Variants in PTPRO observed in about 807,000 individuals in gnomAD.
The protein encoded by PTPRO is receptor-type tyrosine-protein phosphatase O.
Under a neutral mutation model 145.2 loss-of-function variants are expected in PTPRO, and 62 were observed. That is an observed-to-expected ratio of 0.43 (90% CI 0.35 to 0.53). The LOEUF is 0.53. Ranked by LOEUF, PTPRO falls within the 20% of genes least tolerant of loss-of-function variation. The probability of loss-of-function intolerance (pLI) is 0.01; values close to 1 mark genes in which losing one functional copy is unlikely to be tolerated. For missense variants in PTPRO, 1,345 were observed against 1,482.7 expected (o/e 0.91, Z 1.53); for synonymous variants, 565 against 514.7 (o/e 1.10, Z -1.32).
chr12:15,446,339 T>G (rs948004782), intron 1 of PTPRO, among the ~76,000 whole-genome samples: 1 of 152,054 alleles, frequency 6.6e-6, no homozygotes, highest in African/African-American at 2.4e-5. Flanking sequence ...GAAAAACACC[T>G]TTCAAAACCT....
At chr12:15,423,336 T>C (rs1285791813) in intron 1 of PTPRO, among the ~76,000 whole-genome samples, 1 of 152,216 alleles carries the variant, frequency 6.6e-6, no homozygotes, top group Non-Finnish European at 1.5e-5. Context: ...TAATTATCTT[T>C]TAAATGTATG....
At chr12:15,345,920 A>C (rs1006234007) in intron 1 of PTPRO, among the ~76,000 whole-genome samples, 1 of 150,926 alleles carries the variant, frequency 6.6e-6, no homozygotes, top group Non-Finnish European at 1.5e-5. Flanking sequence ...ATCTTCCCCC[A>C]CTCCCTCCCC....
At chr12:15,442,401 C>A (rs1466000342) in intron 1 of PTPRO, among the ~76,000 whole-genome samples, 3 of 152,080 alleles carry the variant, frequency 2.0e-5, no homozygotes, top group Admixed American at 6.5e-5. Flanking sequence ...ACTGAATGGG[C>A]AAAAATTGGA....
intron 10 of PTPRO, among the ~76,000 whole-genome samples, chr12:15,520,821 G>T (rs2300281): frequency 0.28 from 42,261 of 151,984 alleles, 6,145 homozygotes; most frequent in Middle Eastern, 0.37. Flanking sequence ...CCTTGAGCAC[G>T]TTAACTTTTC....
intron 1 of PTPRO, among the ~76,000 whole-genome samples, chr12:15,429,099 G>A (rs1940362176): frequency 1.3e-5 from 2 of 152,216 alleles, no homozygotes; most frequent in African/African-American, 2.4e-5. Context: ...AAACAATGAA[G>A]AGTATTTGCC....
At chr12:15,443,993 TC>T (rs1312853593) in intron 1 of PTPRO, among the ~76,000 whole-genome samples, 33 of 117,150 alleles carry the variant, frequency 2.8e-4, no homozygotes, top group South Asian at 1.4e-3. Context: ...TGAGTATATA[TC>T]AAAAAAAAAA....
intron 1 of PTPRO, among the ~76,000 whole-genome samples, chr12:15,385,213 A>G (rs1938985075): frequency 6.6e-6 from 1 of 152,204 alleles, no homozygotes; most frequent in Admixed American, 6.5e-5. Flanking sequence ...CCAGATACAA[A>G]GTGTGTTAAA....
At chr12:15,436,551 C>T (rs576442225) in intron 1 of PTPRO, among the ~76,000 whole-genome samples, 11 of 152,214 alleles carry the variant, frequency 7.2e-5, no homozygotes, top group African/African-American at 2.6e-4. Context: ...GCAACCCAGG[C>T]CAAGAGAGAG....
intron 1 of PTPRO, among the ~76,000 whole-genome samples, chr12:15,459,664 G>A (rs1419316533): frequency 2.0e-5 from 3 of 152,196 alleles, no homozygotes; most frequent in Non-Finnish European, 4.4e-5. Flanking sequence ...TGGGAACGAA[G>A]ATCCAAGTCT....
Position 15,546,556 on chromosome 12 carries a change from T to G in PTPRO, c.2165-13T>G, listed in dbSNP as rs1347452197. On this transcript the variant is annotated splice_polypyrimidine_tract_variant and intron_variant, in intron 12 of 26. Transcript: ENST00000281171. Reference sequence around the variant, plus strand: ...GTAAATTAAATTTTTTTTAAAACTTTGTCTTTGCTCAGAACCAGCTCCACC... The same window carrying G: ...GTAAATTAAATTTTTTTTAAAACTTGGTCTTTGCTCAGAACCAGCTCCACC... 2 of 1,581,542 alleles carry G rather than the reference T, an allele frequency of 1.3e-6. No individual in the cohort carries two copies. Among genetic ancestry groups the G allele is most frequent in the African/African-American group, 2.7e-5 (2 of 73,660 alleles).
intron 4 of PTPRO, among the ~76,000 whole-genome samples, chr12:15,500,832 G>C (rs976677094): frequency 1.3e-5 from 2 of 152,170 alleles, no homozygotes; most frequent in African/African-American, 4.8e-5. Context: ...TGAGGCAGGA[G>C]AACTGCTTGA....
rs772014252 is a variant in PTPRO at position 15,499,533 on chromosome 12, T to A, written c.600T>A (p.Phe200Leu). ...TTCAGCTGGTATCTGAGGCAACTTT[T>A]AATAAAAGTACCCTTGTTGAGTACA... ...ITFQLVSEAT[F>L]NKSTLVEYSG... Residue 200 changes from phenylalanine to leucine, a missense_variant, in exon 4 of 27, where the codon TTT (phenylalanine) becomes TTA (leucine). By Grantham distance (22) the Phe-to-Leu change is conservative. This residue lies in a region of PTPRO where 1,130 missense variants were observed against 1,214.7 expected (regional missense o/e 0.93). Transcript: ENST00000281171. The A allele has an allele frequency of 1.2e-6, 2 of 1,613,872 alleles. No individual in the cohort carries two copies. Among genetic ancestry groups the A allele is most frequent in the Non-Finnish European group, 1.7e-6 (2 of 1,179,812 alleles).
chr12:15,417,609 A>C (rs1170137019), intron 1 of PTPRO, among the ~76,000 whole-genome samples: 1 of 151,688 alleles, frequency 6.6e-6, no homozygotes, highest in Non-Finnish European at 1.5e-5. Flanking sequence ...CATTTTTAAC[A>C]AGGTCCCCAA....
chr12:15,360,945 C>CACACATATATACACAT (rs1938182551), intron 1 of PTPRO, among the ~76,000 whole-genome samples: 1 of 119,204 alleles, frequency 8.4e-6, no homozygotes, highest in Non-Finnish European at 1.8e-5. Flanking sequence ...TATATACACA[C>CACACATATATACACAT]GTGTATATAC....
intron 1 of PTPRO, among the ~76,000 whole-genome samples, chr12:15,474,803 G>A (rs774309304): frequency 1.6e-4 from 25 of 152,116 alleles, no homozygotes; most frequent in Non-Finnish European, 2.4e-4. Context: ...TGCCTGCAGC[G>A]TACACTCAGA....
At chr12:15,499,922 G>A (rs2047824030) in intron 4 of PTPRO, among the ~76,000 whole-genome samples, 2 of 152,134 alleles carry the variant, frequency 1.3e-5, no homozygotes, top group African/African-American at 4.8e-5. Context: ...GCAGAAAACA[G>A]AGTGAAGACA....
At chr12:15,508,534 G>A (rs373418358) in intron 6 of PTPRO, 37 bp from the exon 7 acceptor site, 58 of 1,587,170 alleles carry the variant, frequency 3.7e-5, no homozygotes, top group African/African-American at 3.5e-4. Context: ...TCAGTGTAAC[G>A]TGCAGCCTCC....
At chr12:15,337,104 C>A (rs1215379699) in intron 1 of PTPRO, among the ~76,000 whole-genome samples, 1 of 152,142 alleles carries the variant, frequency 6.6e-6, no homozygotes, top group Admixed American at 6.5e-5. Flanking sequence ...TGTCCTCAAC[C>A]ATAAAACTGA....
chr12:15,526,310 C>T (rs756198849), intron 12 of PTPRO, 48 bp downstream of exon 12: 3 of 1,607,636 alleles, frequency 1.9e-6, no homozygotes, highest in South Asian at 2.2e-5. Context: ...CTAATGTTTG[C>T]ATCATTCGAT....
Sources: gnomAD v4.1 joint callset for allele counts (sites outside exome capture counted in the v4.1 genomes callset) on GRCh38, gnomAD v4.1.1 for gene constraint, gnomAD v4.1.1 regional missense constraint, MANE v1.5 for transcripts, NCBI Gene and HGNC (gene_info 2026-07-23, HGNC 2026-07-21) for gene names.